The following MEMO1 variants were observed in gnomAD, a reference collection of about 807,000 sequenced individuals.
MEMO1 encodes mediator of cell motility 1, also known as protein MEMO1.
In MEMO1, 6 loss-of-function variants were observed where a neutral mutation model predicts 45.2. The ratio of observed to expected loss-of-function variants is 0.13; its 90% CI spans 0.07 to 0.26. The LOEUF is 0.26. Among genes scored for constraint, MEMO1 ranks in the 10% least tolerant of loss-of-function variants. MEMO1 has a pLI of 1.00. For missense variants in MEMO1, 184 were observed against 370.5 expected (o/e 0.50, Z 4.13); for synonymous variants, 78 against 124.3 (o/e 0.63, Z 2.48).
At chr2:31,975,854 T>C (rs796466098) in intron 2 of MEMO1, among the ~76,000 whole-genome samples, 49 of 152,184 alleles carry the variant, frequency 3.2e-4, no homozygotes, top group African/African-American at 1.1e-3. Flanking sequence ...GAATATGAAA[T>C]TTTAATTCCA....
chr2:31,932,195 AG>A (rs1261365574), intron 3 of MEMO1, 60 bp from the exon 4 acceptor site: 2 of 1,450,790 alleles, frequency 1.4e-6, no homozygotes, highest in African/African-American at 2.8e-5. Context: ...TATTCTAGAA[AG>A]AAAAACCTTG....
chr2:31,904,354 G>A (rs1429098397), intron 6 of MEMO1, among the ~76,000 whole-genome samples: 1 of 152,142 alleles, frequency 6.6e-6, no homozygotes, highest in Non-Finnish European at 1.5e-5. Flanking sequence ...TTCCTTCTGA[G>A]AGCCTGGAAT....
At chr2:31,995,665 G>A (rs1203104652) in intron 2 of MEMO1, among the ~76,000 whole-genome samples, 1 of 151,622 alleles carries the variant, frequency 6.6e-6, no homozygotes, top group East Asian at 1.9e-4. Context: ...AGCTATGCAA[G>A]ATATATGTGA....
chr2:32,007,791 C>T (rs1250580550), intron 2 of MEMO1, among the ~76,000 whole-genome samples: 2 of 152,146 alleles, frequency 1.3e-5, no homozygotes, highest in Admixed American at 6.5e-5. Context: ...GGTACACTGA[C>T]AAATATTAAA....
At chr2:31,926,378 A>G (rs1172695124) in intron 4 of MEMO1, among the ~76,000 whole-genome samples, 59 of 3,214 alleles carry the variant, frequency 0.018, no homozygotes, top group Admixed American at 0.097. Flanking sequence ...TCAAAAGGGA[A>G]AAAAAAAAAA....
At chr2:31,989,707 T>C (rs1417733690) in intron 2 of MEMO1, among the ~76,000 whole-genome samples, 1 of 152,242 alleles carries the variant, frequency 6.6e-6, no homozygotes, top group Non-Finnish European at 1.5e-5. Context: ...ATATTAAATA[T>C]ATGTAACTTA....
At chr2:31,900,527 G>C (rs545629575) in intron 6 of MEMO1, among the ~76,000 whole-genome samples, 1 of 152,118 alleles carries the variant, frequency 6.6e-6, no homozygotes, top group South Asian at 2.1e-4. Context: ...ACCGGGGCCT[G>C]TTGGGGAGTG....
intron 6 of MEMO1, among the ~76,000 whole-genome samples, chr2:31,908,640 G>A (rs901062300): frequency 6.6e-6 from 1 of 152,146 alleles, no homozygotes; most frequent in Admixed American, 6.5e-5. Flanking sequence ...ACTACCCTGA[G>A]AGATACAAAC....
chr2:31,880,338 A>C (rs1445326751), intron 8 of MEMO1, among the ~76,000 whole-genome samples: 1 of 152,220 alleles, frequency 6.6e-6, no homozygotes, highest in African/African-American at 2.4e-5. Context: ...ATACATTAAA[A>C]TCCAAATAAA....
chr2:31,975,115 T>C (rs570455748), intron 2 of MEMO1, among the ~76,000 whole-genome samples: 1 of 152,244 alleles, frequency 6.6e-6, no homozygotes, highest in East Asian at 1.9e-4. Flanking sequence ...GAGGTTGCAG[T>C]GAGCCAAGAT....
At chr2:32,007,912 A>G (rs990311388) in intron 2 of MEMO1, among the ~76,000 whole-genome samples, 2 of 152,170 alleles carry the variant, frequency 1.3e-5, no homozygotes, top group Non-Finnish European at 2.9e-5. Context: ...TCTACCCTCA[A>G]TTATTACTCA....
intron 6 of MEMO1, among the ~76,000 whole-genome samples, chr2:31,906,384 C>G (rs1028688246): frequency 1.3e-5 from 2 of 151,780 alleles, no homozygotes; most frequent in African/African-American, 2.4e-5. Flanking sequence ...AGTGCAATGG[C>G]GCAATCTTGG....
intron 2 of MEMO1, among the ~76,000 whole-genome samples, chr2:31,960,167 A>C (rs1348713540): frequency 6.6e-6 from 1 of 151,928 alleles, no homozygotes; most frequent in Non-Finnish European, 1.5e-5. Context: ...ACTGCACTGC[A>C]GCCTGGGTGA....
At chr2:31,925,713 G>C (rs1683000856) in intron 4 of MEMO1, among the ~76,000 whole-genome samples, 1 of 152,080 alleles carries the variant, frequency 6.6e-6, no homozygotes, top group African/African-American at 2.4e-5. Context: ...CAAAGGTGAG[G>C]GGAGCGTAAA....
intron 8 of MEMO1, among the ~76,000 whole-genome samples, chr2:31,876,318 C>T (rs1674557695): frequency 6.6e-6 from 1 of 152,298 alleles, no homozygotes; most frequent in Non-Finnish European, 1.5e-5. Flanking sequence ...TCTTATCATT[C>T]AGAACTCACT....
intron 6 of MEMO1, among the ~76,000 whole-genome samples, chr2:31,907,917 A>C (rs1277521577): frequency 6.6e-6 from 1 of 152,188 alleles, no homozygotes; most frequent in Non-Finnish European, 1.5e-5. Flanking sequence ...TTACTCCCAC[A>C]TATAAAATGC....
At chr2:31,891,371 C>A (rs1292789304) in intron 7 of MEMO1, among the ~76,000 whole-genome samples, 1 of 152,126 alleles carries the variant, frequency 6.6e-6, no homozygotes, top group Non-Finnish European at 1.5e-5. Context: ...CAGCTCACTT[C>A]TCTTACAACG....
chr2:31,974,260 T>C (rs761267253), intron 2 of MEMO1, among the ~76,000 whole-genome samples: 1 of 152,236 alleles, frequency 6.6e-6, no homozygotes, highest in Non-Finnish European at 1.5e-5. Flanking sequence ...TTGCAGTTAA[T>C]AATTTAAATG....
chr2:31,883,166 C>T (rs903698114), intron 8 of MEMO1, among the ~76,000 whole-genome samples: 1 of 152,026 alleles, frequency 6.6e-6, no homozygotes, highest in Non-Finnish European at 1.5e-5. Context: ...ATATATTATT[C>T]TTAAATATTC....
Sources: gnomAD v4.1 joint callset for allele counts (sites outside exome capture counted in the v4.1 genomes callset) on GRCh38, gnomAD v4.1.1 for gene constraint, MANE v1.5 for transcripts, NCBI Gene and HGNC (gene_info 2026-07-23, HGNC 2026-07-21) for gene names.